UBE2QL1: variants seen among roughly 807,000 people sequenced by gnomAD.
The protein encoded by UBE2QL1 is ubiquitin-conjugating enzyme E2Q-like protein 1.
In UBE2QL1, 5 loss-of-function variants were observed where a neutral mutation model predicts 12.6. The ratio of observed to expected loss-of-function variants is 0.40; its 90% CI spans 0.21 to 0.83. The LOEUF (loss-of-function observed/expected upper bound fraction) is 0.83. UBE2QL1 is among the 40% of genes least tolerant of loss of function. The pLI, the probability that UBE2QL1 is intolerant of heterozygous loss-of-function variation, is 0.37. For synonymous variants in UBE2QL1, 96 were observed against 94.5 expected, an observed-to-expected ratio of 1.02 and a Z score of -0.10; for missense variants, 99 against 222.6, an observed-to-expected ratio of 0.44 and a Z score of 3.53.
rs1013415225 is a variant in UBE2QL1 at position 6,479,433 on chromosome 5, G to A, written c.355-11785G>A. On this transcript the variant is annotated intron_variant, in intron 1 of 1. Transcript: ENST00000399816. This position sits in a 1 kb window ranked among gnomAD's most constrained non-coding sequence, Gnocchi z 4.2. ...ACAGAGCTGACTTCAACTTAGGGGCGACTTCAGTAAGAAAGTGGGGGGTCT... is the reference window on the plus strand; with the variant it reads ...ACAGAGCTGACTTCAACTTAGGGGCAACTTCAGTAAGAAAGTGGGGGGTCT... 2.0e-5 allele frequency among the ~76,000 whole-genome samples: 3 copies of A among 152,176 alleles called. No individual in the cohort carries two copies. Among genetic ancestry groups the A allele is most frequent in the East Asian group, 1.9e-4 (1 of 5,200 alleles).
intron 1 of UBE2QL1, among the ~76,000 whole-genome samples, chr5:6,460,586 A>C (rs552074083): frequency 1.4e-4 from 22 of 152,326 alleles, no homozygotes; most frequent in African/African-American, 4.3e-4. Context: ...TGCCATCATC[A>C]AATGATTTTG....
At position 6,491,729 on chromosome 5, in the gene UBE2QL1, T is replaced by A. The variant is rs1468832790; in HGVS notation, c.*380T>A. On this transcript the variant is annotated 3_prime_UTR_variant, in exon 2 of 2. Transcript: ENST00000399816. Reference sequence around the variant, plus strand: ...TGCCCCTGCTGGCTCCATTTCCATGTAAATGGCGCCGTTCATATTTCACAG... The same window carrying A: ...TGCCCCTGCTGGCTCCATTTCCATGAAAATGGCGCCGTTCATATTTCACAG... The A allele has an allele frequency of 1.2e-5, 2 of 160,878 alleles. No homozygotes were observed. Among genetic ancestry groups the A allele is most frequent in the Admixed American group, 1.2e-4 (2 of 16,026 alleles). The allele number at this position is 160,878 out of a possible 1,614,324, so 10.0% of individuals were successfully genotyped here.
intron 1 of UBE2QL1, among the ~76,000 whole-genome samples, chr5:6,462,051 C>T (rs1196186325): frequency 6.6e-6 from 1 of 152,184 alleles, no homozygotes; most frequent in African/African-American, 2.4e-5. Flanking sequence ...GCTGGACAAG[C>T]CCAAGCGAGG....
chr5:6,463,535 G>A (rs998361709), intron 1 of UBE2QL1, among the ~76,000 whole-genome samples: 1 of 151,846 alleles, frequency 6.6e-6, no homozygotes, highest in African/African-American at 2.4e-5. Context: ...TGAGCAGCAG[G>A]ACCGGGAGCG....
rs182052978 is a variant in UBE2QL1, at chr5:6,455,585, C to T, written c.354+6338C>T. 3.1e-3 allele frequency among the ~76,000 whole-genome samples: 466 copies of T among 152,268 alleles called. 4 individuals carry two copies. Among genetic ancestry groups the T allele is most frequent in the African/African-American group, 0.011 (444 of 41,548 alleles). ...GCCCTGAGGAGTGTGCAGATTATTT[C>T]AGTACCAGGGCTGTCCCCTCAAAGA... On this transcript the variant is annotated intron_variant, in intron 1 of 1. Coordinates refer to ENST00000399816, the MANE Select transcript of UBE2QL1 (RefSeq NM_001145161.3).
rs976866168 is a variant in UBE2QL1 at position 6,494,207 on chromosome 5, G to C, written c.*2858G>C. The C allele has an allele frequency of 6.6e-6, 1 of 152,186 alleles. No homozygotes were observed. The highest frequency in any genetic ancestry group is 2.4e-5 in the African/African-American group (1 of 41,436). 9.4% of individuals were successfully genotyped at this position (152,186 alleles called of 1,614,324 possible). On this transcript the variant is annotated 3_prime_UTR_variant, in exon 2 of 2. Coordinates refer to ENST00000399816, the MANE Select transcript of UBE2QL1 (RefSeq NM_001145161.3). ...TATTGGGTATCTTCTCCACTGCTGG[G>C]TAAGGCCTGCACATGGTCTGTCTGT...
chr5:6,488,610 A>T (rs1489619744), intron 1 of UBE2QL1, among the ~76,000 whole-genome samples: 2 of 151,980 alleles, frequency 1.3e-5, no homozygotes, highest in Admixed American at 6.6e-5. Flanking sequence ...CAGCCTGGGC[A>T]ACAAAACGAT....
chr5:6,454,744 G>T (rs983752871), intron 1 of UBE2QL1, among the ~76,000 whole-genome samples: 3 of 152,166 alleles, frequency 2.0e-5, no homozygotes, highest in Admixed American at 6.5e-5. Flanking sequence ...GACTGGCAGG[G>T]GTGGGTAACG....
At chr5:6,468,423 G>T (rs965958280) in intron 1 of UBE2QL1, among the ~76,000 whole-genome samples, 56 of 152,330 alleles carry the variant, frequency 3.7e-4, no homozygotes, top group African/African-American at 1.3e-3. Flanking sequence ...GAGTGTGGAG[G>T]GGTGGAGTCA....
intron 1 of UBE2QL1, among the ~76,000 whole-genome samples, chr5:6,471,759 C>T (rs548751737): frequency 9.8e-5 from 15 of 152,308 alleles, no homozygotes; most frequent in Admixed American, 3.3e-4. Flanking sequence ...CTGCCTGATA[C>T]AGGAGCATAA....
intron 1 of UBE2QL1, among the ~76,000 whole-genome samples, chr5:6,482,537 G>C (rs73038145): frequency 7.3e-5 from 11 of 150,602 alleles, no homozygotes; most frequent in South Asian, 4.2e-4. Context: ...TCCTCCACTC[G>C]TCTGGGCCCC....
chr5:6,461,721 T>A (rs1392959564), intron 1 of UBE2QL1, among the ~76,000 whole-genome samples: 1 of 152,172 alleles, frequency 6.6e-6, no homozygotes, highest in Non-Finnish European at 1.5e-5. Flanking sequence ...GACCATTTGT[T>A]CATATTTATT....
intron 1 of UBE2QL1, among the ~76,000 whole-genome samples, chr5:6,482,988 C>T (rs1207111752): frequency 1.3e-5 from 2 of 152,238 alleles, no homozygotes; most frequent in African/African-American, 4.8e-5. Flanking sequence ...CGTGGTTGCG[C>T]ACCACCCACC....
At chr5:6,454,498 G>A (rs1252057962) in intron 1 of UBE2QL1, among the ~76,000 whole-genome samples, 1 of 152,130 alleles carries the variant, frequency 6.6e-6, no homozygotes, top group Non-Finnish European at 1.5e-5. Context: ...TGTGGGTTAG[G>A]GGTTCACCAT....
At position 6,491,353 on chromosome 5, in the gene UBE2QL1, C is replaced by G. The variant is rs555555492; in HGVS notation, c.*4C>G. The G allele has an allele frequency of 1.9e-6, 3 of 1,548,604 alleles. No homozygotes were observed. The highest frequency in any genetic ancestry group is 4.0e-5 in the Admixed American group (2 of 50,590). ...CCCGCCCGTGTCCGACGGCTGATGT[C>G]TGCCACGTGCAGTAGACGCTCGAGC... On this transcript the variant is annotated 3_prime_UTR_variant, in exon 2 of 2. Coordinates refer to ENST00000399816, the MANE Select transcript of UBE2QL1 (RefSeq NM_001145161.3).
intron 1 of UBE2QL1, among the ~76,000 whole-genome samples, chr5:6,473,801 T>G (rs1734154373): frequency 2.0e-5 from 3 of 152,194 alleles, no homozygotes; most frequent in Non-Finnish European, 4.4e-5. Context: ...CCTTTGAATC[T>G]TACCACAAGC....
chr5:6,483,833 C>T (rs1019540816), intron 1 of UBE2QL1, among the ~76,000 whole-genome samples: 2 of 152,142 alleles, frequency 1.3e-5, no homozygotes, highest in African/African-American at 2.4e-5. Flanking sequence ...TGTGGCCCCT[C>T]GTGCCCCACC....
At chr5:6,485,797 A>G (rs578169342) in intron 1 of UBE2QL1, among the ~76,000 whole-genome samples, 16 of 152,342 alleles carry the variant, frequency 1.1e-4, no homozygotes, top group African/African-American at 3.6e-4. Flanking sequence ...TTTGCAAAGA[A>G]AAGGAATGAG....
chr5:6,487,368 G>T (rs1171919823), intron 1 of UBE2QL1, among the ~76,000 whole-genome samples: 2 of 152,188 alleles, frequency 1.3e-5, no homozygotes, highest in African/African-American at 4.8e-5. Context: ...AACACTGTTC[G>T]ACTTCTGTAT....
Sources: allele counts gnomAD v4.1 joint callset (sites outside exome capture counted in the v4.1 genomes callset), GRCh38; gene constraint gnomAD v4.1.1; non-coding constraint Gnocchi (gnomAD v3.1); transcripts MANE v1.5; gene names NCBI Gene and HGNC (gene_info 2026-07-23, HGNC 2026-07-21).